CRYGD: variants seen among roughly 807,000 people sequenced by gnomAD.
The protein encoded by CRYGD is gamma-crystallin D.
CRYGD carries 13 observed loss-of-function variants against 11.3 expected under a neutral mutation model. That is an observed-to-expected ratio of 1.15 (90% CI 0.75 to 1.83). The LOEUF (loss-of-function observed/expected upper bound fraction) is 1.83. CRYGD is among the 40% of genes most tolerant of loss of function. The pLI, the probability that CRYGD is intolerant of heterozygous loss-of-function variation, is 0.00. For missense variants in CRYGD, 231 were observed against 229.9 expected, an observed-to-expected ratio of 1.00 and a Z score of -0.03; for synonymous variants, 77 against 89.5, an observed-to-expected ratio of 0.86 and a Z score of 0.79.
intron 2 of CRYGD, 58 bp from the exon 3 acceptor site, chr2:208,122,003 T>C: frequency 6.2e-7 from 1 of 1,610,868 alleles, no homozygotes. Flanking sequence ...TTCCAATGCA[T>C]TGTTAGGCAG....
At chr2:208,123,216 T>C (rs960926598) in intron 2 of CRYGD, among the ~76,000 whole-genome samples, 1 of 147,086 alleles carries the variant, frequency 6.8e-6, no homozygotes, top group Admixed American at 6.8e-5. Flanking sequence ...ATTAAATACA[T>C]ATTTATTAAA....
At position 208,124,210 on chromosome 2, in the gene CRYGD, A is replaced by C; in HGVS notation, c.154T>G (p.Ser52Ala). ...CWMLYEQPNY[S>A]GLQYFLRRGD... ...CGGCGCAGGAAGTACTGGAGGCCCG[A>C]GTAGTTGGGCTGCTCATAGAGCATC... Residue 52 changes from serine to alanine, a missense_variant, in exon 2 of 3, where the codon TCG becomes GCG. Coordinates refer to ENST00000264376, the MANE Select transcript of CRYGD (RefSeq NM_006891.4). The C allele has an allele frequency of 6.2e-7, 1 of 1,612,034 alleles. No individual in the cohort carries two copies. Among genetic ancestry groups the C allele is most frequent in the Non-Finnish European group, 8.5e-7 (1 of 1,179,902 alleles).
chr2:208,122,732 G>T (rs962875748), intron 2 of CRYGD, among the ~76,000 whole-genome samples: 2 of 150,672 alleles, frequency 1.3e-5, no homozygotes, highest in South Asian at 4.2e-4. Context: ...GTGTGGTGGC[G>T]GGTGCCTGTA....
rs1421877500 is a variant in CRYGD, at chr2:208,121,683, T to G, written c.515A>C (p.Asp172Ala). 6.2e-7 allele frequency: 1 copy of G among 1,613,246 alleles called. No homozygotes were observed. The change falls in exon 3 of 3, where the codon GAT (aspartate) becomes GCT (alanine). Residue 172 changes from aspartate to alanine, a missense_variant. Asp to Ala is a moderately radical substitution (Grantham distance 126, BLOSUM62 -2). Transcript: ENST00000264376. ...ARVGSLRRVI[D>A]FS ...AAAAGAGGACATATTTCAGGAGAAATCTATGACTCTCCTCAGAGAGCCCAC... is the reference window on the plus strand; with the variant it reads ...AAAAGAGGACATATTTCAGGAGAAAGCTATGACTCTCCTCAGAGAGCCCAC...
chr2:208,124,484 G>T lies in CRYGD; in HGVS notation c.-11C>A. The T allele has an allele frequency of 6.4e-7, 1 of 1,568,020 alleles. No homozygotes were observed. The highest frequency in any genetic ancestry group is 8.6e-7 in the Non-Finnish European group (1 of 1,157,834). ...GCTCACCTTCCCCATGGCTGGCTGG[G>T]CGCACGGCGGTGCTGAGCTGGTGGG... is the stretch of plus-strand genomic sequence containing the variant. On this transcript the variant is annotated 5_prime_UTR_variant, in exon 1 of 3. Coordinates refer to ENST00000264376, the MANE Select transcript of CRYGD (RefSeq NM_006891.4).
chr2:208,123,253 TC>T (rs1694907224), intron 2 of CRYGD, among the ~76,000 whole-genome samples: 1 of 146,908 alleles, frequency 6.8e-6, no homozygotes, highest in Non-Finnish European at 1.5e-5. Context: ...TACATTATAT[TC>T]ATTAAATATA....
intron 1 of CRYGD, 54 bp downstream of exon 1, chr2:208,124,411 C>G: frequency 6.2e-7 from 1 of 1,600,248 alleles, no homozygotes; most frequent in Non-Finnish European, 8.5e-7. Flanking sequence ...GCCCCAGTCT[C>G]TGGCCCCCGC....
rs762126299 is a variant in CRYGD, at chr2:208,121,849, G to C, written c.349C>G (p.Arg117Gly). The change falls in exon 3 of 3, where the codon CGC becomes GGC. Residue 117 changes from arginine (R) to glycine (G), a missense_variant. Physicochemically the swap from Arg to Gly is moderately radical, Grantham distance 125. Coordinates refer to ENST00000264376, the MANE Select transcript of CRYGD (RefSeq NM_006891.4). Reference protein sequence around the residue: ...EDCSCLQDRFRFNEIHSLNVL... With the variant: ...EDCSCLQDRFGFNEIHSLNVL... ...TTGAGGGAGTGGATTTCATTGAAGC[G>C]GAAGCGGTCCTGAAGACAGGAGCAG... 1.2e-6 allele frequency: 2 copies of C among 1,614,050 alleles called. No homozygotes were observed. Among genetic ancestry groups the C allele is most frequent in the East Asian group, 2.2e-5 (1 of 44,896 alleles).
At chr2:208,124,376 G>A (rs1312505173) in intron 1 of CRYGD, 22 bp from the exon 2 acceptor site, 91 of 1,610,806 alleles carry the variant, frequency 5.6e-5, no homozygotes, top group Non-Finnish European at 7.6e-5. Context: ...GGCGGGACAA[G>A]GCGAGGTCTC....
chr2:208,123,428 TAA>T (rs199558168), intron 2 of CRYGD, among the ~76,000 whole-genome samples: 7,763 of 147,582 alleles, frequency 0.053, 309 homozygotes, highest in African/African-American at 0.11. Context: ...ATTCAAAATA[TAA>T]GTGTTTTAAA....
chr2:208,122,754 T>C (rs1042633746), intron 2 of CRYGD, among the ~76,000 whole-genome samples: 1 of 150,752 alleles, frequency 6.6e-6, no homozygotes, highest in Non-Finnish European at 1.5e-5. Flanking sequence ...TCCCAGCTAC[T>C]TGGGAAGAAA....
chr2:208,123,231 T>C (rs1007985280), intron 2 of CRYGD, among the ~76,000 whole-genome samples: 26 of 147,018 alleles, frequency 1.8e-4, no homozygotes, highest in Non-Finnish European at 3.4e-4. Context: ...ATTAAATAAA[T>C]ATATTATTAA....
chr2:208,122,561 T>A (rs577686599), intron 2 of CRYGD, among the ~76,000 whole-genome samples: 1 of 149,254 alleles, frequency 6.7e-6, no homozygotes, highest in East Asian at 1.9e-4. Flanking sequence ...ATAAAATATA[T>A]TTAAAATACA....
chr2:208,121,774 G>A lies in CRYGD; in HGVS notation c.424C>T (p.Arg142Trp), dbSNP rs758933523. 1.3e-5 allele frequency: 21 copies of A among 1,614,042 alleles called. No homozygotes were observed. Among genetic ancestry groups the A allele is most frequent in the East Asian group, 2.2e-5 (1 of 44,892 alleles). Residue 142 changes from arginine (R) to tryptophan (W), a missense_variant, in exon 3 of 3, where the codon CGG (arginine) becomes TGG (tryptophan). Coordinates refer to ENST00000264376, the MANE Select transcript of CRYGD (RefSeq NM_006891.4). ...TCCCCTGGCATCAGCAGGTACTGCC[G>A]TCCTCGGTAGTTGGACAGCTCGTAG... Reference protein sequence around the residue: ...VLYELSNYRGRQYLLMPGDYR... With the variant: ...VLYELSNYRGWQYLLMPGDYR...
rs769110735 is a variant in CRYGD at position 208,124,342 on chromosome 2, C to G, written c.22G>C (p.Glu8Gln). The change falls in exon 2 of 3, where the codon GAG becomes CAG. Residue 8 changes from glutamate to glutamine, a missense_variant. By Grantham distance (29) the Glu-to-Gln change is conservative (BLOSUM62 2). Coordinates refer to ENST00000264376, the MANE Select transcript of CRYGD (RefSeq NM_006891.4). ...TGGCGGCCCTGGAAGCCCCGGTCCT[C>G]GTAGAGGGTGATCTGCAAGGCAAGG... MGKITLY[E>Q]DRGFQGRHYE... 1.2e-6 allele frequency: 2 copies of G among 1,611,170 alleles called. No homozygotes were observed. The highest frequency in any genetic ancestry group is 1.7e-6 in the Non-Finnish European group (2 of 1,179,270).
At position 208,124,509 on chromosome 2, in the gene CRYGD, G is replaced by T; in HGVS notation, c.-36C>A. On this transcript the variant is annotated 5_prime_UTR_variant, in exon 1 of 3. Transcript: ENST00000264376. ...GCGCACGGCGGTGCTGAGCTGGTGG[G>T]GCGGCGGCGCTGAGCGGGTGGGGCT... 6.5e-7 allele frequency: 1 copy of T among 1,543,356 alleles called. No homozygotes were observed. The highest frequency in any genetic ancestry group is 2.4e-5 in the East Asian group (1 of 41,996).
intron 2 of CRYGD, among the ~76,000 whole-genome samples, chr2:208,122,385 A>G (rs1024232258): frequency 1.8e-4 from 27 of 148,012 alleles, no homozygotes; most frequent in African/African-American, 6.1e-4. Flanking sequence ...TTAATTATAT[A>G]CTATATTTAA....
chr2:208,121,844 G>A lies in CRYGD; in HGVS notation c.354C>T (p.Phe118=), dbSNP rs1694870356. The change falls in exon 3 of 3, where the codon TTC becomes TTT. Residue 118 remains phenylalanine (F), a synonymous_variant. Coordinates refer to ENST00000264376, the MANE Select transcript of CRYGD (RefSeq NM_006891.4). ...DCSCLQDRFR[F]NEIHSLNVLE... is the part of the protein sequence containing the mutation. Reference sequence around the variant, plus strand: ...GCACGTTGAGGGAGTGGATTTCATTGAAGCGGAAGCGGTCCTGAAGACAGG... The same window carrying A: ...GCACGTTGAGGGAGTGGATTTCATTAAAGCGGAAGCGGTCCTGAAGACAGG... 2 of 1,614,086 alleles carry A rather than the reference G, an allele frequency of 1.2e-6. No homozygotes were observed. The highest frequency in any genetic ancestry group is 3.3e-5 in the Admixed American group (2 of 60,002).
chr2:208,121,808 G>C lies in CRYGD; in HGVS notation c.390C>G (p.Ser130=). The change falls in exon 3 of 3, where the codon TCC becomes TCG. Residue 130 remains serine (S), a synonymous_variant. Coordinates refer to ENST00000264376, the MANE Select transcript of CRYGD (RefSeq NM_006891.4). ...EIHSLNVLEG[S]WVLYELSNYR... Reference sequence around the variant, plus strand: ...AGTTGGACAGCTCGTAGAGGACCCAGGAGCCCTCCAGCACGTTGAGGGAGT... The same window carrying C: ...AGTTGGACAGCTCGTAGAGGACCCACGAGCCCTCCAGCACGTTGAGGGAGT... The C allele has an allele frequency of 6.2e-7, 1 of 1,614,190 alleles. No homozygotes were observed. Among genetic ancestry groups the C allele is most frequent in the Non-Finnish European group, 8.5e-7 (1 of 1,180,038 alleles).
Sources: allele counts gnomAD v4.1 joint callset (sites outside exome capture counted in the v4.1 genomes callset), GRCh38; gene constraint gnomAD v4.1.1; transcripts MANE v1.5; gene names NCBI Gene and HGNC (gene_info 2026-07-23, HGNC 2026-07-21).